The following SGCD variants were observed in gnomAD, a reference collection of about 807,000 sequenced individuals.
SGCD encodes sarcoglycan delta.
A neutral mutation model predicts 36.6 loss-of-function variants in SGCD; 18 were observed. That is an observed-to-expected ratio of 0.49 (90% CI 0.34 to 0.73). The LOEUF (loss-of-function observed/expected upper bound fraction) is 0.73. Ranked by LOEUF, SGCD falls within the 30% of genes least tolerant of loss-of-function variation. SGCD has a pLI of 0.01. For missense variants in SGCD, 387 were observed against 346.7 expected, an observed-to-expected ratio of 1.12 and a Z score of -0.92; for synonymous variants, 133 against 130.6, an observed-to-expected ratio of 1.02 and a Z score of -0.12.
At chr5:156,146,039 C>T (rs1460506243) in intron 3 of SGCD, among the ~76,000 whole-genome samples, 1 of 151,998 alleles carries the variant, frequency 6.6e-6, no homozygotes, top group East Asian at 1.9e-4. Flanking sequence ...TGGTGAAACC[C>T]CGTCACTACT....
At chr5:156,030,313 T>C (rs1340272751) in intron 1 of SGCD, among the ~76,000 whole-genome samples, 1 of 152,164 alleles carries the variant, frequency 6.6e-6, no homozygotes, top group Non-Finnish European at 1.5e-5. Flanking sequence ...TAAGGCGAGG[T>C]CATATTGGGT....
chr5:156,723,963 C>T (rs555525585), intron 7 of SGCD, among the ~76,000 whole-genome samples: 4 of 152,026 alleles, frequency 2.6e-5, no homozygotes, highest in East Asian at 1.9e-4. Flanking sequence ...GAAGGGAGCA[C>T]GGTGAAAATA....
chr5:156,366,004 A>C (rs1478682201), intron 3 of SGCD, among the ~76,000 whole-genome samples: 3 of 152,242 alleles, frequency 2.0e-5, no homozygotes, highest in Non-Finnish European at 2.9e-5. Flanking sequence ...AGAAGACATG[A>C]GTAGCCATGC....
chr5:156,189,901 G>C (rs542477712), intron 3 of SGCD, among the ~76,000 whole-genome samples: 46 of 152,160 alleles, frequency 3.0e-4, no homozygotes, highest in Middle Eastern at 3.2e-3. Context: ...AAAAGCATTA[G>C]AGGACACCAT....
intron 3 of SGCD, among the ~76,000 whole-genome samples, chr5:156,466,793 A>C (rs1754739050): frequency 6.6e-6 from 1 of 152,178 alleles, no homozygotes; most frequent in Admixed American, 6.5e-5. Context: ...AAATTATACC[A>C]AAAAAAGAAC....
At chr5:155,751,760 A>C in the SGCD span, among the ~76,000 whole-genome samples, 1 of 152,084 alleles carries the variant, frequency 6.6e-6, no homozygotes, top group Non-Finnish European at 1.5e-5. Context: ...TTGCTCAAAC[A>C]AGAACCAACG....
the SGCD span, among the ~76,000 whole-genome samples, chr5:155,833,053 CGAAAAAAA>C: frequency 2.2e-5 from 2 of 90,336 alleles, no homozygotes; most frequent in Admixed American, 1.5e-4. Flanking sequence ...ACTAAAAATA[CGAAAAAAA>C]AAAAAAAAAA....
chr5:156,668,490 G>A (rs1314012582), intron 7 of SGCD, among the ~76,000 whole-genome samples: 1 of 152,138 alleles, frequency 6.6e-6, no homozygotes, highest in Admixed American at 6.5e-5. Flanking sequence ...TAACAGTGAT[G>A]CTTCAATATT....
At chr5:156,671,787 G>A (rs1238280306) in intron 7 of SGCD, among the ~76,000 whole-genome samples, 1 of 152,202 alleles carries the variant, frequency 6.6e-6, no homozygotes, top group Non-Finnish European at 1.5e-5. Context: ...AGTTCCACAT[G>A]CTGTGTAAGA....
rs145216132 is a variant in SGCD at position 156,477,809 on chromosome 5, A to G, written c.193-30792A>G. Among the ~76,000 whole-genome samples, 166 of 152,230 alleles carry G rather than the reference A, an allele frequency of 1.1e-3. 1 individual carries two copies. The highest frequency in any genetic ancestry group is 3.8e-3 in the African/African-American group (159 of 41,534). ...ATGGGCAGCTAAAATTTTCCTTTCA[A>G]TCTATTATTTTCTATGTCATTAGGT... On this transcript the variant is annotated intron_variant, in intron 3 of 8. Coordinates refer to ENST00000337851, the MANE Select transcript of SGCD (RefSeq NM_000337.6).
chr5:156,356,603 T>G (rs1297359675), intron 3 of SGCD, among the ~76,000 whole-genome samples: 1 of 152,190 alleles, frequency 6.6e-6, no homozygotes, highest in Non-Finnish European at 1.5e-5. Flanking sequence ...GGGCTCCACT[T>G]CTTCATGGGG....
chr5:156,641,516 A>T (rs1190043906), intron 6 of SGCD, among the ~76,000 whole-genome samples: 1 of 152,234 alleles, frequency 6.6e-6, no homozygotes, highest in African/African-American at 2.4e-5. Context: ...ATGGGAGATT[A>T]AACTTTCATT....
At chr5:156,209,850 C>T (rs1581169625) in intron 3 of SGCD, among the ~76,000 whole-genome samples, 1 of 152,108 alleles carries the variant, frequency 6.6e-6, no homozygotes, top group Admixed American at 6.5e-5. Context: ...CCACACTCTA[C>T]ACCAGGTCCC....
intron 3 of SGCD, among the ~76,000 whole-genome samples, chr5:156,400,459 G>A (rs1008094499): frequency 6.6e-6 from 1 of 152,070 alleles, no homozygotes; most frequent in Non-Finnish European, 1.5e-5. Context: ...GGGACATCTG[G>A]ACAGATAACT....
At chr5:156,129,646 C>G (rs987611688) in intron 3 of SGCD, among the ~76,000 whole-genome samples, 9 of 152,202 alleles carry the variant, frequency 5.9e-5, no homozygotes, top group African/African-American at 1.9e-4. Flanking sequence ...CCTCAACTCT[C>G]CACCCTCAAG....
chr5:156,230,859 T>C (rs181586934), intron 3 of SGCD, among the ~76,000 whole-genome samples: 1 of 152,284 alleles, frequency 6.6e-6, no homozygotes. Context: ...GTCAGATAAA[T>C]AAATTCTAAA....
intron 1 of SGCD, among the ~76,000 whole-genome samples, chr5:155,942,338 C>G (rs377012014): frequency 1.1e-4 from 16 of 149,212 alleles, no homozygotes; most frequent in Non-Finnish European, 2.2e-4. Context: ...ATGTATGTAT[C>G]TATCTATCTA....
rs2127614041 is a variant in SGCD, at chr5:156,148,903, T to G, written c.-44+24884T>G. Among the ~76,000 whole-genome samples the G allele has an allele frequency of 2.6e-5, 4 of 152,322 alleles. No homozygotes were observed. The Middle Eastern group carries it at 0.01, about 389-fold the overall frequency. On this transcript the variant is annotated intron_variant, in intron 3 of 9. Coordinates refer to the SGCD transcript ENST00000517913. ...CTAAAGTGGGCCCTGGTACAAGGTA[T>G]ATCCGCAAGAGTGCTTTTATCGTTC...
At chr5:156,119,268 A>C (rs2127601952) in intron 2 of SGCD, among the ~76,000 whole-genome samples, 1 of 152,292 alleles carries the variant, frequency 6.6e-6, no homozygotes, top group Non-Finnish European at 1.5e-5. Context: ...TCAGAAATAA[A>C]ACCTAGGAAA....
Sources: gnomAD v4.1 joint callset for allele counts (sites outside exome capture counted in the v4.1 genomes callset) on GRCh38, gnomAD v4.1.1 for gene constraint, MANE v1.5 for transcripts, NCBI Gene and HGNC (gene_info 2026-07-23, HGNC 2026-07-21) for gene names.